The following CNGB1 variants were observed in gnomAD, a reference collection of about 807,000 sequenced individuals.
The protein encoded by CNGB1 is cyclic nucleotide-gated channel beta-1.
A neutral mutation model predicts 151.7 loss-of-function variants in CNGB1; 126 were observed. The ratio of observed to expected loss-of-function variants is 0.83; its 90% confidence interval spans 0.72 to 0.96. The LOEUF (loss-of-function observed/expected upper bound fraction) is 0.96. Ranked by LOEUF, CNGB1 falls within the 40% of genes least tolerant of loss-of-function variation. CNGB1 has a pLI of 0.00. For missense variants in CNGB1, 1,698 were observed against 1,627.0 expected (o/e 1.04, Z -0.75); for synonymous variants, 623 against 635.1 (o/e 0.98, Z 0.29).
At chr16:57,893,272 T>G (rs1290259958) in intron 31 of CNGB1, among the ~76,000 whole-genome samples, 1 of 152,206 alleles carries the variant, frequency 6.6e-6, no homozygotes, top group Non-Finnish European at 1.5e-5. Flanking sequence ...CTTATTTATC[T>G]GAGAGACAGG....
intron 31 of CNGB1, among the ~76,000 whole-genome samples, chr16:57,888,643 G>T (rs1283660630): frequency 2.0e-5 from 3 of 152,092 alleles, no homozygotes; most frequent in Non-Finnish European, 4.4e-5. Flanking sequence ...GTAGAGACAG[G>T]GTTTCGCCAT....
chr16:57,962,676 C>T, intron 6 of CNGB1, 66 bp from the exon 7 acceptor site: 1 of 1,575,434 alleles, frequency 6.3e-7, no homozygotes, highest in Admixed American at 1.7e-5. Flanking sequence ...CCCTGGGCAG[C>T]CTGGAGTGGG....
intron 2 of CNGB1, 73 bp from the exon 3 acceptor site, chr16:57,964,617 T>G: frequency 6.9e-7 from 1 of 1,441,142 alleles, no homozygotes. Flanking sequence ...AGCCTGATTC[T>G]CCCTCAAGGG....
Position 57,919,087 on chromosome 16 carries a change from C to T in CNGB1, c.1957+12G>A, listed in dbSNP as rs200007250. 47 of 1,614,070 alleles carry T rather than the reference C, an allele frequency of 2.9e-5. No individual in the cohort carries two copies. Among genetic ancestry groups the T allele is most frequent in the Non-Finnish European group, 3.8e-5 (45 of 1,180,044 alleles). On this transcript the variant is annotated intron_variant, in intron 20 of 32. Coordinates refer to ENST00000251102, the MANE Select transcript of CNGB1 (RefSeq NM_001297.5). ...TCTTACACAGTGGGAACACCCATTCCCCAGGACTCACTGGTCAGCGGGTCA... is the reference window on the plus strand; with the variant it reads ...TCTTACACAGTGGGAACACCCATTCTCCAGGACTCACTGGTCAGCGGGTCA...
At chr16:57,961,658 A>G (rs765957190) in intron 7 of CNGB1, among the ~76,000 whole-genome samples, 2 of 151,052 alleles carry the variant, frequency 1.3e-5, no homozygotes, top group African/African-American at 2.5e-5. Flanking sequence ...GAATGAATGA[A>G]TGAATGAATG....
chr16:57,914,351 C>T (rs1272775537), intron 23 of CNGB1, among the ~76,000 whole-genome samples: 3 of 152,182 alleles, frequency 2.0e-5, no homozygotes, highest in Non-Finnish European at 4.4e-5. Flanking sequence ...TTCCACTTTC[C>T]CCCTTCCTCT....
Position 57,923,463 on chromosome 16 carries a change from T to A in CNGB1, c.1536-83A>T, listed in dbSNP as rs371965882. On this transcript the variant is annotated intron_variant, in intron 17 of 32. Coordinates refer to ENST00000251102, the MANE Select transcript of CNGB1 (RefSeq NM_001297.5). ...GTGTCATGACTTTGATCCCTAAAGA[T>A]CATCTAGAGCCAATTCCTAGATAGA... 5 of 1,132,370 alleles carry A rather than the reference T, an allele frequency of 4.4e-6. No individual in the cohort carries two copies. In the African/African-American group the frequency reaches 6.1e-5, roughly 14 times the overall value. The allele number at this position is 1,132,370 out of a possible 1,614,324, so 70.1% of individuals were successfully genotyped here.
chr16:57,901,987 C>T (rs1960405202), intron 27 of CNGB1, among the ~76,000 whole-genome samples: 1 of 152,206 alleles, frequency 6.6e-6, no homozygotes, highest in Non-Finnish European at 1.5e-5. Flanking sequence ...CCTGGAAGGA[C>T]AACATCAGCA....
chr16:57,957,496 T>C (rs767705261), intron 11 of CNGB1, 119 bp from the exon 12 acceptor site: 16 of 838,658 alleles, frequency 1.9e-5, no homozygotes, highest in Non-Finnish European at 2.8e-5. Context: ...AGTTGTCCCA[T>C]GGGATGGAGA....
intron 16 of CNGB1, among the ~76,000 whole-genome samples, chr16:57,933,207 C>T (rs1013869863): frequency 3.9e-5 from 6 of 152,124 alleles, no homozygotes; most frequent in South Asian, 2.1e-4. Context: ...GGATTACAGG[C>T]GTGAGCCACT....
intron 17 of CNGB1, among the ~76,000 whole-genome samples, chr16:57,924,958 G>A (rs942309249): frequency 2.0e-5 from 3 of 152,004 alleles, no homozygotes; most frequent in African/African-American, 7.3e-5. Flanking sequence ...TACAGTCTGT[G>A]GAACAATGAC....
At chr16:57,927,710 C>T (rs1961227590) in intron 17 of CNGB1, among the ~76,000 whole-genome samples, 1 of 152,226 alleles carries the variant, frequency 6.6e-6, no homozygotes, top group Non-Finnish European at 1.5e-5. Context: ...TCCAGCCACA[C>T]ATGATCTTGG....
chr16:57,967,046 G>A (rs1188219533), intron 2 of CNGB1, 82 bp downstream of exon 2: 1 of 1,596,952 alleles, frequency 6.3e-7, no homozygotes, highest in Non-Finnish European at 8.6e-7. Flanking sequence ...GCTGTAGAAA[G>A]TCCCTGGAGA....
At chr16:57,888,274 G>A (rs1419044292) in intron 31 of CNGB1, among the ~76,000 whole-genome samples, 200 bp from the exon 32 acceptor site, 1 of 152,102 alleles carries the variant, frequency 6.6e-6, no homozygotes, top group East Asian at 1.9e-4. Context: ...CAACTGTAAT[G>A]AGGTGGGTCT....
intron 26 of CNGB1, among the ~76,000 whole-genome samples, chr16:57,904,370 C>T (rs1204463597): frequency 6.6e-6 from 1 of 152,134 alleles, no homozygotes; most frequent in Non-Finnish European, 1.5e-5. Context: ...CGGGGCCCTT[C>T]AAATATAAAT....
intron 20 of CNGB1, 99 bp downstream of exon 20, chr16:57,919,000 C>T (rs1960953764): frequency 1.3e-6 from 2 of 1,582,942 alleles, no homozygotes; most frequent in Admixed American, 3.5e-5. Context: ...TGTGGCCTCC[C>T]ATCCCACCTC....
chr16:57,958,231 G>A (rs1962140076), intron 11 of CNGB1, among the ~76,000 whole-genome samples, 179 bp downstream of exon 11: 1 of 131,086 alleles, frequency 7.6e-6, no homozygotes, highest in African/African-American at 3.4e-5. Context: ...TGAACTCCTG[G>A]CAGGTGGGGC....
At chr16:57,955,515 C>G (rs1477142364) in intron 12 of CNGB1, 2 of 699,220 alleles carry the variant, frequency 2.9e-6, no homozygotes, top group Non-Finnish European at 2.5e-6. Context: ...TGACATGGGA[C>G]GTGAGTGGAA....
At chr16:57,891,439 G>A (rs944282916) in intron 31 of CNGB1, among the ~76,000 whole-genome samples, 2 of 152,144 alleles carry the variant, frequency 1.3e-5, no homozygotes, top group Admixed American at 1.3e-4. Flanking sequence ...CCAGGAGTTC[G>A]AGGCTGCAGT....
Sources: gnomAD v4.1 joint callset for allele counts (sites outside exome capture counted in the v4.1 genomes callset) on GRCh38, gnomAD v4.1.1 for gene constraint, MANE v1.5 for transcripts, NCBI Gene and HGNC (gene_info 2026-07-23, HGNC 2026-07-21) for gene names.